ZNF804B: variants seen among roughly 807,000 people sequenced by gnomAD.
ZNF804B encodes the protein zinc finger protein 804B, also known as zinc finger 804B.
ZNF804B carries 80 observed loss-of-function variants against 101.4 expected under a neutral mutation model. The ratio of observed to expected loss-of-function variants is 0.79; its 90% CI spans 0.66 to 0.95. The LOEUF is 0.95. ZNF804B is among the 40% of genes least tolerant of loss of function. ZNF804B has a pLI of 0.00. For missense variants in ZNF804B, 1,673 were observed against 1,561.9 expected, an observed-to-expected ratio of 1.07 and a Z score of -1.20; for synonymous variants, 622 against 558.8, an observed-to-expected ratio of 1.11 and a Z score of -1.59.
In ZNF804B at chr7:89,205,208, A is replaced by G. The variant is rs145177570; in HGVS notation, c.109-12947A>G. On this transcript the variant is annotated intron_variant, in intron 1 of 3. Transcript: ENST00000333190. ...TCCCACCAGGTCCCTCCAATGACAC[A>G]TGGGGATTATTATAATTCAAGGTGA... 3.8e-3 allele frequency among the ~76,000 whole-genome samples: 578 copies of G among 152,268 alleles called. 3 individuals carry two copies. Among genetic ancestry groups the G allele is most frequent in the African/African-American group, 0.013 (555 of 41,556 alleles).
intron 1 of ZNF804B, among the ~76,000 whole-genome samples, chr7:88,987,314 A>G (rs1793772310): frequency 6.6e-6 from 1 of 152,140 alleles, no homozygotes; most frequent in African/African-American, 2.4e-5. Context: ...AAGTACCAGA[A>G]AGAAAATAAC....
At chr7:89,071,682 A>C (rs1789542957) in intron 1 of ZNF804B, among the ~76,000 whole-genome samples, 1 of 152,092 alleles carries the variant, frequency 6.6e-6, no homozygotes, top group Non-Finnish European at 1.5e-5. Flanking sequence ...TAAAATGCTA[A>C]TTTTAACAAA....
chr7:88,824,102 C>T (rs1320889620), intron 1 of ZNF804B, among the ~76,000 whole-genome samples: 5 of 152,182 alleles, frequency 3.3e-5, no homozygotes, highest in Admixed American at 6.5e-5. Context: ...CTGGTTTAGC[C>T]TTCTCTACAA....
intron 1 of ZNF804B, among the ~76,000 whole-genome samples, chr7:89,168,533 AC>A (rs1276040448): frequency 6.6e-6 from 1 of 152,050 alleles, no homozygotes; most frequent in Non-Finnish European, 1.5e-5. Flanking sequence ...GGCAATGAAA[AC>A]CTTTCTAGCT....
At chr7:89,125,234 G>A (rs1369652082) in intron 1 of ZNF804B, among the ~76,000 whole-genome samples, 1 of 151,660 alleles carries the variant, frequency 6.6e-6, no homozygotes, top group Non-Finnish European at 1.5e-5. Flanking sequence ...AAACTTAAGG[G>A]TATATTGGTA....
intron 1 of ZNF804B, among the ~76,000 whole-genome samples, chr7:88,976,600 C>G (rs1056203024): frequency 6.6e-6 from 1 of 151,422 alleles, no homozygotes; most frequent in African/African-American, 2.4e-5. Flanking sequence ...TCCTGCAACT[C>G]TACTGAATTT....
intron 1 of ZNF804B, among the ~76,000 whole-genome samples, chr7:89,018,722 C>G (rs1357645767): frequency 1.3e-5 from 2 of 152,004 alleles, no homozygotes; most frequent in African/African-American, 4.8e-5. Context: ...TTGGTTCAAT[C>G]TTGGTAGGTT....
chr7:89,106,830 G>T (rs916165035), intron 1 of ZNF804B, among the ~76,000 whole-genome samples: 1 of 152,080 alleles, frequency 6.6e-6, no homozygotes, highest in Non-Finnish European at 1.5e-5. Context: ...GCAGAACAGA[G>T]AATATCCCAT....
chr7:89,269,940 G>A (rs1789860278), intron 2 of ZNF804B, among the ~76,000 whole-genome samples: 1 of 152,070 alleles, frequency 6.6e-6, no homozygotes, highest in Non-Finnish European at 1.5e-5. Context: ...ATTTGTTTGA[G>A]TTCTTTGTAG....
intron 1 of ZNF804B, among the ~76,000 whole-genome samples, chr7:89,019,974 C>G (rs895046376): frequency 6.6e-6 from 1 of 152,000 alleles, no homozygotes; most frequent in Non-Finnish European, 1.5e-5. Flanking sequence ...TGAACACTTA[C>G]TACTGTTTTT....
intron 1 of ZNF804B, among the ~76,000 whole-genome samples, chr7:88,976,495 A>G (rs1031488916): frequency 3.3e-5 from 5 of 151,282 alleles, no homozygotes; most frequent in African/African-American, 9.7e-5. Flanking sequence ...TTTTATTTGT[A>G]CTTATTGTCA....
At chr7:88,766,004 A>T (rs918071180) in intron 1 of ZNF804B, among the ~76,000 whole-genome samples, 1 of 152,192 alleles carries the variant, frequency 6.6e-6, no homozygotes, top group Non-Finnish European at 1.5e-5. Flanking sequence ...AAAAAAACAC[A>T]AAAGAGTATT....
At chr7:88,873,175 G>C (rs1791866375) in intron 1 of ZNF804B, among the ~76,000 whole-genome samples, 2 of 152,182 alleles carry the variant, frequency 1.3e-5, no homozygotes, top group Non-Finnish European at 1.5e-5. Flanking sequence ...ACTGGTGTGA[G>C]ATGGTATCTC....
intron 1 of ZNF804B, among the ~76,000 whole-genome samples, chr7:89,135,362 A>G (rs62461865): frequency 0.13 from 19,618 of 151,946 alleles, 1,408 homozygotes; most frequent in Non-Finnish European, 0.15. Context: ...TGTCTATGCA[A>G]TTGTCTTCTC....
chr7:89,213,128 T>C (rs1326923761), intron 1 of ZNF804B, among the ~76,000 whole-genome samples: 3 of 152,192 alleles, frequency 2.0e-5, no homozygotes, highest in African/African-American at 7.2e-5. Flanking sequence ...TTTTTCCTAT[T>C]ATAAAAACAG....
intron 1 of ZNF804B, among the ~76,000 whole-genome samples, chr7:88,761,353 C>T (rs751641732): frequency 2.8e-4 from 43 of 152,296 alleles, no homozygotes; most frequent in Non-Finnish European, 3.4e-4. Context: ...ATGGAAAATA[C>T]TGTTTGTATA....
At chr7:89,233,745 T>A (rs1194054873) in intron 2 of ZNF804B, among the ~76,000 whole-genome samples, 1 of 152,078 alleles carries the variant, frequency 6.6e-6, no homozygotes, top group Non-Finnish European at 1.5e-5. Flanking sequence ...TTCAAGTGAT[T>A]CTCCTGCCTC....
At chr7:88,815,052 A>G (rs528204623) in intron 1 of ZNF804B, among the ~76,000 whole-genome samples, 75 of 148,906 alleles carry the variant, frequency 5.0e-4, no homozygotes, top group Middle Eastern at 7.2e-3. Context: ...GTGTGTGTGT[A>G]TATATTCTTA....
chr7:89,266,871 C>T (rs1208838), intron 2 of ZNF804B, among the ~76,000 whole-genome samples: 5 of 91,034 alleles, frequency 5.5e-5, no homozygotes, highest in Non-Finnish European at 1.1e-4. Flanking sequence ...GTTTGTGTGT[C>T]TGTGTTTGTG....
Sources: gnomAD v4.1 joint callset for allele counts (sites outside exome capture counted in the v4.1 genomes callset) on GRCh38, gnomAD v4.1.1 for gene constraint, MANE v1.5 for transcripts, NCBI Gene and HGNC (gene_info 2026-07-23, HGNC 2026-07-21) for gene names.